GALNT13: variants seen among roughly 807,000 people sequenced by gnomAD.
The protein encoded by GALNT13 is UDP-GalNAc:polypeptide N-acetylgalactosaminyltransferase 13.
GALNT13 carries 28 observed loss-of-function variants against 64.2 expected under a neutral mutation model. The observed-to-expected ratio is 0.44, with a 90% CI of 0.32 to 0.60. The LOEUF is 0.60. Among genes scored for constraint, GALNT13 ranks in the 20% least tolerant of loss-of-function variants. The pLI is 0.05. For missense variants in GALNT13, 577 were observed against 669.8 expected (o/e 0.86, Z 1.53); for synonymous variants, 214 against 224.6 (o/e 0.95, Z 0.42).
the GALNT13 span, among the ~76,000 whole-genome samples, chr2:153,473,003 G>A: frequency 6.6e-5 from 10 of 152,038 alleles, no homozygotes; most frequent in African/African-American, 2.4e-4. Context: ...ATGGACATAG[G>A]GAGGGGAACA....
chr2:154,020,248 A>G lies in GALNT13; in HGVS notation c.142+75609A>G, dbSNP rs1178412911. On this transcript the variant is annotated intron_variant, in intron 3 of 12. Coordinates refer to ENST00000392825, the MANE Select transcript of GALNT13 (RefSeq NM_052917.4). The stretch of plus-strand genomic sequence containing the variant: ...GATGGCTGGGTCAAATGGTATTTCT[A>G]GTTCTAGATCCCTGAGGAATCGCCA... Among the ~76,000 whole-genome samples, 17 of 152,118 alleles carry G rather than the reference A, an allele frequency of 1.1e-4. 1 individual carries two copies. The highest frequency in any genetic ancestry group is 5.9e-5 in the Non-Finnish European group (4 of 68,034).
chr2:153,466,287 A>C, the GALNT13 span, among the ~76,000 whole-genome samples: 1 of 152,016 alleles, frequency 6.6e-6, no homozygotes, highest in Non-Finnish European at 1.5e-5. Context: ...GGTTGTACTA[A>C]ATAAATGTAA....
chr2:153,875,637 G>T (rs1686313269), intron 1 of GALNT13, among the ~76,000 whole-genome samples: 1 of 152,272 alleles, frequency 6.6e-6, no homozygotes, highest in East Asian at 1.9e-4. Context: ...GAGATAAGAA[G>T]TAACAGTAAC....
intron 11 of GALNT13, among the ~76,000 whole-genome samples, chr2:154,425,641 A>G (rs566876139): frequency 6.6e-6 from 1 of 152,338 alleles, no homozygotes; most frequent in East Asian, 1.9e-4. Context: ...TACCATCAAT[A>G]GAAAGATAAG....
chr2:154,236,806 G>A (rs1168553831), intron 4 of GALNT13, among the ~76,000 whole-genome samples: 1 of 151,924 alleles, frequency 6.6e-6, no homozygotes, highest in Non-Finnish European at 1.5e-5. Flanking sequence ...GTTGCTAAAA[G>A]GGTTATTTGG....
intron 9 of GALNT13, among the ~76,000 whole-genome samples, chr2:154,356,441 T>C (rs887496028): frequency 2.8e-4 from 43 of 152,048 alleles, no homozygotes; most frequent in Admixed American, 7.9e-4. Flanking sequence ...GAAATCAATA[T>C]AGCAATAAAG....
chr2:153,976,748 T>G (rs1694102157), intron 3 of GALNT13, among the ~76,000 whole-genome samples: 1 of 152,108 alleles, frequency 6.6e-6, no homozygotes, highest in Non-Finnish European at 1.5e-5. Flanking sequence ...AGTAAATACA[T>G]TTAATTCCAT....
At chr2:153,987,181 G>A (rs1405389243) in intron 3 of GALNT13, among the ~76,000 whole-genome samples, 2 of 151,900 alleles carry the variant, frequency 1.3e-5, no homozygotes, top group African/African-American at 2.4e-5. Context: ...GATGAGAGCC[G>A]GATCTCTGGC....
At chr2:153,385,333 C>T in the GALNT13 span, among the ~76,000 whole-genome samples, 2 of 152,036 alleles carry the variant, frequency 1.3e-5, no homozygotes, top group African/African-American at 4.8e-5. Context: ...TACATATATT[C>T]AATGGAGTAC....
the GALNT13 span, among the ~76,000 whole-genome samples, chr2:153,539,690 A>G: frequency 5.9e-5 from 9 of 151,384 alleles, no homozygotes; most frequent in Non-Finnish European, 8.8e-5. Flanking sequence ...TTTGTCAAAG[A>G]TCAGATAGTT....
At chr2:153,653,583 G>C in the GALNT13 span, among the ~76,000 whole-genome samples, 1 of 152,102 alleles carries the variant, frequency 6.6e-6, no homozygotes, top group South Asian at 2.1e-4. Context: ...ATTGCAATTG[G>C]TTTCCAATGA....
intron 4 of GALNT13, among the ~76,000 whole-genome samples, chr2:154,239,728 A>G (rs185404894): frequency 2.6e-5 from 4 of 152,298 alleles, no homozygotes; most frequent in Admixed American, 2.0e-4. Flanking sequence ...GATGCTTAAT[A>G]AATCTTTTTC....
chr2:154,441,849 C>G (rs1027329519), intron 12 of GALNT13: 15 of 152,032 alleles, frequency 9.9e-5, no homozygotes, highest in African/African-American at 3.6e-4. Flanking sequence ...CAGTTCAACA[C>G]GTATTTATCT....
At chr2:154,162,520 T>A (rs956334944) in intron 4 of GALNT13, among the ~76,000 whole-genome samples, 5 of 152,192 alleles carry the variant, frequency 3.3e-5, no homozygotes, top group African/African-American at 1.2e-4. Context: ...GTATGGTAGA[T>A]GTAGTCTAGG....
intron 3 of GALNT13, among the ~76,000 whole-genome samples, chr2:154,070,610 A>T (rs1700689440): frequency 6.6e-6 from 1 of 152,150 alleles, no homozygotes; most frequent in Non-Finnish European, 1.5e-5. Flanking sequence ...ATAAACAGAG[A>T]TTCAAGTTTT....
At chr2:153,294,551 A>C in the GALNT13 span, among the ~76,000 whole-genome samples, 1 of 152,156 alleles carries the variant, frequency 6.6e-6, no homozygotes, top group Non-Finnish European at 1.5e-5. Context: ...GTGCACTGAC[A>C]TGTCTTTGAA....
In GALNT13 at chr2:154,453,656, G is replaced by T. The variant is rs1157372408; in HGVS notation, c.*3105G>T. 2 of 152,054 alleles carry T rather than the reference G, an allele frequency of 1.3e-5. No homozygotes were observed. The highest frequency in any genetic ancestry group is 2.9e-5 in the Non-Finnish European group (2 of 68,002). The allele number at this position is 152,054 out of a possible 1,614,324, so 9.4% of individuals were successfully genotyped here. On this transcript the variant is annotated 3_prime_UTR_variant, in exon 13 of 13. Transcript: ENST00000392825. The stretch of plus-strand genomic sequence containing the variant: ...ACATGCCCATCACATGCCCTAGAAG[G>T]TAAGTCCCATGAAGGCAGGGGCTTT...
chr2:153,503,028 G>T, the GALNT13 span, among the ~76,000 whole-genome samples: 1 of 150,928 alleles, frequency 6.6e-6, no homozygotes, highest in East Asian at 2.0e-4. Flanking sequence ...CCACTCTGTG[G>T]GTTGTCTGTT....
chr2:153,157,720 G>A, the GALNT13 span, among the ~76,000 whole-genome samples: 1 of 152,032 alleles, frequency 6.6e-6, no homozygotes, highest in Admixed American at 6.6e-5. Flanking sequence ...TTTATGGAAA[G>A]GGCTCATTCA....
Sources: allele counts gnomAD v4.1 joint callset (sites outside exome capture counted in the v4.1 genomes callset), GRCh38; gene constraint gnomAD v4.1.1; transcripts MANE v1.5; gene names NCBI Gene and HGNC (gene_info 2026-07-23, HGNC 2026-07-21).